PLCL1: variants seen among roughly 807,000 people sequenced by gnomAD.
PLCL1 encodes the protein inactive phospholipase C-like protein 1.
In PLCL1, 41 loss-of-function variants were observed where a neutral mutation model predicts 84.4. That is an observed-to-expected ratio of 0.49 (90% CI 0.38 to 0.63). The LOEUF is 0.63. PLCL1 is among the 30% of genes least tolerant of loss of function. PLCL1 has a pLI of 0.00. For synonymous variants in PLCL1, 490 were observed against 488.3 expected, an observed-to-expected ratio of 1.00 and a Z score of -0.05; for missense variants, 1,206 against 1,367.8, an observed-to-expected ratio of 0.88 and a Z score of 1.87.
chr2:198,020,079 A>C (rs1691096494), intron 1 of PLCL1, among the ~76,000 whole-genome samples: 1 of 152,210 alleles, frequency 6.6e-6, no homozygotes, highest in African/African-American at 2.4e-5. Flanking sequence ...GTGGGGACCA[A>C]TATTCAACAT....
chr2:197,920,162 T>C (rs370413509), intron 1 of PLCL1, among the ~76,000 whole-genome samples: 1 of 152,248 alleles, frequency 6.6e-6, no homozygotes, highest in African/African-American at 2.4e-5. Flanking sequence ...AATTAAACTT[T>C]TGAATATGAA....
chr2:197,975,413 C>A (rs1283805130), intron 1 of PLCL1, among the ~76,000 whole-genome samples: 1 of 152,088 alleles, frequency 6.6e-6, no homozygotes, highest in African/African-American at 2.4e-5. Context: ...GTTAAACTGC[C>A]AAAATTTGCC....
chr2:197,976,695 C>T (rs979345939), intron 1 of PLCL1, among the ~76,000 whole-genome samples: 2 of 152,226 alleles, frequency 1.3e-5, no homozygotes, highest in African/African-American at 4.8e-5. Flanking sequence ...GATCCACCCA[C>T]CTTGGCCTCC....
At chr2:198,107,679 T>G (rs1167402007) in intron 5 of PLCL1, among the ~76,000 whole-genome samples, 5 of 151,946 alleles carry the variant, frequency 3.3e-5, no homozygotes, top group African/African-American at 9.7e-5. Context: ...AGAGATTTCT[T>G]AATGTTTTTG....
chr2:197,878,436 A>G (rs1193678358), intron 1 of PLCL1, among the ~76,000 whole-genome samples: 1 of 152,176 alleles, frequency 6.6e-6, no homozygotes, highest in Non-Finnish European at 1.5e-5. Flanking sequence ...CTTCCCCAAG[A>G]ACAAAATGCT....
In PLCL1 at chr2:197,846,675, G is replaced by A. The variant is rs144109579; in HGVS notation, c.240+41336G>A. Among the ~76,000 whole-genome samples the A allele has an allele frequency of 1.0e-3, 153 of 152,196 alleles. 1 individual carries two copies. The highest frequency in any genetic ancestry group is 3.6e-3 in the African/African-American group (148 of 41,522). On this transcript the variant is annotated intron_variant, in intron 1 of 5. Coordinates refer to ENST00000428675, the MANE Select transcript of PLCL1 (RefSeq NM_006226.4). ...GAAGACAATTGGGGTGTAATGTGAT[G>A]GGTGAGTGCCCAGTAATTTACAAAA...
At chr2:197,900,873 C>G (rs756533516) in intron 1 of PLCL1, among the ~76,000 whole-genome samples, 8 of 151,990 alleles carry the variant, frequency 5.3e-5, no homozygotes, top group Non-Finnish European at 8.8e-5. Context: ...AGTGGAAGTC[C>G]CATTCCTACC....
chr2:197,932,728 A>C (rs960981464), intron 1 of PLCL1, among the ~76,000 whole-genome samples: 1 of 152,358 alleles, frequency 6.6e-6, no homozygotes, highest in African/African-American at 2.4e-5. Context: ...TGCACAAGAC[A>C]CTATTCCAGG....
chr2:197,819,942 G>A (rs1690782647), intron 1 of PLCL1, among the ~76,000 whole-genome samples: 1 of 151,004 alleles, frequency 6.6e-6, no homozygotes, highest in Admixed American at 6.6e-5. Context: ...GTTGGGGGAA[G>A]GTATACTTTT....
At position 197,933,425 on chromosome 2, in the gene PLCL1, A is replaced by C. The variant is rs189933331; in HGVS notation, c.240+128086A>C. Among the ~76,000 whole-genome samples, 3 of 152,010 alleles carry C rather than the reference A, an allele frequency of 2.0e-5. No individual in the cohort carries two copies. In the East Asian group the frequency reaches 5.8e-4, roughly 29 times the overall value. ...ACTACAGGCGCCTGCCACGACGCCCAGCTAATTTTTTGTATTTTTAGTAGA... is the reference window on the plus strand; with the variant it reads ...ACTACAGGCGCCTGCCACGACGCCCCGCTAATTTTTTGTATTTTTAGTAGA... On this transcript the variant is annotated intron_variant, in intron 1 of 5. Coordinates refer to ENST00000428675, the MANE Select transcript of PLCL1 (RefSeq NM_006226.4).
intron 1 of PLCL1, among the ~76,000 whole-genome samples, chr2:198,001,695 G>C (rs1690604594): frequency 6.6e-6 from 1 of 152,052 alleles, no homozygotes; most frequent in African/African-American, 2.4e-5. Context: ...GGTACGGTCT[G>C]TGGCTTGTTA....
chr2:198,109,525 C>T (rs1050420275), intron 5 of PLCL1, among the ~76,000 whole-genome samples: 16 of 152,048 alleles, frequency 1.1e-4, no homozygotes, highest in Admixed American at 6.6e-4. Context: ...TACAACTTCA[C>T]TTACGTAGCC....
intron 1 of PLCL1, among the ~76,000 whole-genome samples, chr2:198,082,392 T>A (rs1354656897): frequency 6.6e-6 from 1 of 151,866 alleles, no homozygotes; most frequent in Non-Finnish European, 1.5e-5. Flanking sequence ...TGCATTGCAC[T>A]GAAATCACGC....
In PLCL1 at chr2:197,914,334, T is replaced by TA. The variant is rs567512708; in HGVS notation, c.240+108995_240+108996insA. ...CTTTCACATTAAATTTTTATGTTAT[T>TA]TTTTTTTTTTTTGAAATGGAGTTTT... On this transcript the variant is annotated intron_variant, in intron 1 of 5. Transcript: ENST00000428675. 3.9e-3 allele frequency among the ~76,000 whole-genome samples: 582 copies of TA among 147,926 alleles called. 6 individuals carry two copies. Among genetic ancestry groups the TA allele is most frequent in the African/African-American group, 0.014 (561 of 40,846 alleles).
At chr2:198,054,053 G>T (rs887928110) in intron 1 of PLCL1, among the ~76,000 whole-genome samples, 1 of 152,068 alleles carries the variant, frequency 6.6e-6, no homozygotes, top group African/African-American at 2.4e-5. Flanking sequence ...TAGACTTTAC[G>T]TCAAAAACTA....
intron 3 of PLCL1, among the ~76,000 whole-genome samples, chr2:198,092,016 C>T (rs1693055953): frequency 6.6e-6 from 1 of 151,538 alleles, no homozygotes; most frequent in Non-Finnish European, 1.5e-5. Context: ...TCCCCTGCCT[C>T]TTTAGTTTTA....
chr2:198,137,204 G>A (rs532373891), intron 5 of PLCL1, among the ~76,000 whole-genome samples: 6 of 152,268 alleles, frequency 3.9e-5, no homozygotes, highest in African/African-American at 1.4e-4. Flanking sequence ...GGCCTGGGAA[G>A]CCGGCATTAT....
chr2:197,902,693 G>A (rs1384884759), intron 1 of PLCL1, among the ~76,000 whole-genome samples: 1 of 152,156 alleles, frequency 6.6e-6, no homozygotes, highest in African/African-American at 2.4e-5. Flanking sequence ...GCTTTTCCAT[G>A]TGCATACATG....
intron 1 of PLCL1, among the ~76,000 whole-genome samples, chr2:198,064,512 C>T (rs1254285062): frequency 3.3e-5 from 5 of 152,026 alleles, no homozygotes; most frequent in Non-Finnish European, 7.4e-5. Flanking sequence ...TAAGGCTTAG[C>T]CACAATTAAA....
Sources: allele counts gnomAD v4.1 joint callset (sites outside exome capture counted in the v4.1 genomes callset), GRCh38; gene constraint gnomAD v4.1.1; transcripts MANE v1.5; gene names NCBI Gene and HGNC (gene_info 2026-07-23, HGNC 2026-07-21).